Variants in MMP9 observed in about 807,000 individuals in gnomAD.
MMP9 encodes matrix metalloproteinase-9.
A neutral mutation model predicts 76.4 loss-of-function variants in MMP9; 73 were observed. The observed-to-expected ratio is 0.96, with a 90% CI of 0.79 to 1.16. The LOEUF (loss-of-function observed/expected upper bound fraction) is 1.16, where lower values mean the gene tolerates loss of function less well. Among genes scored for constraint, MMP9 ranks in the 50% most tolerant of loss-of-function variants. The probability of loss-of-function intolerance (pLI) is 0.00; values close to 1 mark genes in which losing one functional copy is unlikely to be tolerated. For synonymous variants in MMP9, 412 were observed against 408.4 expected (o/e 1.01, Z -0.11); for missense variants, 943 against 973.0 (o/e 0.97, Z 0.41).
Position 46,012,582 on chromosome 20 carries a change from G to A in MMP9, c.1330G>A (p.Gly444Ser). The change falls in exon 8 of 13, where the codon GGT becomes AGT. Residue 444 changes from glycine (G) to serine (S), a missense_variant and splice_region_variant. Physicochemically the swap from Gly to Ser is moderately conservative, Grantham distance 56 (BLOSUM62 0). Transcript: ENST00000372330. ...DDVNGIRHLY[G>S]PRPEPEPRPP... ...CGTGAATGGCATCCGGCACCTCTATGGTGAGGCAGGGGCAGGGATGGGAGG... is the reference window on the plus strand; with the variant it reads ...CGTGAATGGCATCCGGCACCTCTATAGTGAGGCAGGGGCAGGGATGGGAGG... 6.2e-7 allele frequency: 1 copy of A among 1,613,536 alleles called. No individual in the cohort carries two copies. The highest frequency in any genetic ancestry group is 8.5e-7 in the Non-Finnish European group (1 of 1,179,998).
At chr20:46,009,208 T>C in intron 1 of MMP9, 144 bp downstream of exon 1, 1 of 963,810 alleles carries the variant, frequency 1.0e-6, no homozygotes, top group Non-Finnish European at 1.6e-6. Flanking sequence ...GTGTCCAGGG[T>C]TAGGCAGTGG....
At position 46,012,445 on chromosome 20, in the gene MMP9, T is replaced by G. The variant is rs765298650; in HGVS notation, c.1193T>G (p.Val398Gly). Residue 398 changes from valine (V) to glycine (G), a missense_variant, in exon 8 of 13, where the codon GTG becomes GGG. Coordinates refer to ENST00000372330, the MANE Select transcript of MMP9 (RefSeq NM_004994.3). The part of the protein sequence containing the change: ...CPDQGYSLFL[V>G]AAHEFGHALG... ...CCTCCAGGATACAGTTTGTTCCTCG[T>G]GGCGGCGCATGAGTTCGGCCACGCG... 1.2e-6 allele frequency: 2 copies of G among 1,614,138 alleles called. No individual in the cohort carries two copies. Among genetic ancestry groups the G allele is most frequent in the Non-Finnish European group, 1.7e-6 (2 of 1,180,002 alleles).
Position 46,013,803 on chromosome 20 carries a change from T to A in MMP9, c.1750+7T>A, listed in dbSNP as rs2084301549. Reference sequence around the variant, plus strand: ...AAGCTTTTCTTCTTCTCTGGTTAGTTACCTACTTTCCCTCCCCCGCCCGGT... The same window carrying A: ...AAGCTTTTCTTCTTCTCTGGTTAGTAACCTACTTTCCCTCCCCCGCCCGGT... On this transcript the variant is annotated splice_region_variant and intron_variant, in intron 10 of 12. Transcript: ENST00000372330. This position sits in a 1 kb window ranked among gnomAD's most constrained non-coding sequence, Gnocchi z 4.5. 4 of 1,612,290 alleles carry A rather than the reference T, an allele frequency of 2.5e-6. No homozygotes were observed. The highest frequency in any genetic ancestry group is 3.4e-6 in the Non-Finnish European group (4 of 1,179,914).
rs753394565 is a variant in MMP9 at position 46,009,104 on chromosome 20, G to T, written c.138+40G>T. The T allele has an allele frequency of 1.9e-6, 3 of 1,604,008 alleles. No homozygotes were observed. The Admixed American group carries it at 5.1e-5, about 27-fold the overall frequency. On this transcript the variant is annotated intron_variant, in intron 1 of 12. Coordinates refer to ENST00000372330, the MANE Select transcript of MMP9 (RefSeq NM_004994.3). ...AGTCTAGAGTTGGGGAGGGCTGTCC[G>T]TGAGGGTGTTGAGTGTCCCAGAGAG...
intron 12 of MMP9, 83 bp from the exon 13 acceptor site, chr20:46,016,167 G>A: frequency 7.8e-7 from 1 of 1,286,150 alleles, no homozygotes; most frequent in East Asian, 2.3e-5. Flanking sequence ...TGGCAGAAGA[G>A]ATGGTTGTCA....
Position 46,014,477 on chromosome 20 carries a change from G to T in MMP9, c.2005+3G>T. The stretch of plus-strand genomic sequence containing the variant: ...GCACGACGTCTTCCAGTACCGAGGT[G>T]AGGGCTGAGGAGGATCCCTTCGTGA... On this transcript the variant is annotated splice_donor_region_variant and intron_variant, in intron 12 of 12. Transcript: ENST00000372330. 1 of 1,549,362 alleles carries T rather than the reference G, an allele frequency of 6.5e-7. No homozygotes were observed. The highest frequency in any genetic ancestry group is 1.2e-5 in the South Asian group (1 of 84,056).
intron 12 of MMP9, 70 bp from the exon 13 acceptor site, chr20:46,016,180 A>G: frequency 7.2e-7 from 1 of 1,394,496 alleles, no homozygotes; most frequent in South Asian, 1.2e-5. Context: ...GGTTGTCAAG[A>G]TCTTGTTCCT....
chr20:46,012,621 G>A (rs762888525), intron 8 of MMP9, 39 bp downstream of exon 8: 9 of 1,610,608 alleles, frequency 5.6e-6, no homozygotes, highest in African/African-American at 1.3e-5. Context: ...AGGGGAAAGG[G>A]CGTGGCTGTG....
chr20:46,010,332 A>AAACAAACAAAC, intron 2 of MMP9, 151 bp from the exon 3 acceptor site: 6 of 772,994 alleles, frequency 7.8e-6, no homozygotes, highest in Non-Finnish European at 1.2e-5. Flanking sequence ...AAAAAAAAAA[A>AAACAAACAAAC]AAAAAAAAAC....
Position 46,016,507 on chromosome 20 carries a change from T to C in MMP9, c.*139T>C. The C allele has an allele frequency of 2.7e-6, 2 of 734,286 alleles. No homozygotes were observed. The allele number at this position is 734,286 out of a possible 1,614,324, so 45.5% of individuals were successfully genotyped here. On this transcript the variant is annotated 3_prime_UTR_variant, in exon 13 of 13. Coordinates refer to ENST00000372330, the MANE Select transcript of MMP9 (RefSeq NM_004994.3). ...TGGAGGTGGGCTGGGCCCTCTCTTCTCACCTTTGTTTTTTGTTGGAGTGTT... is the reference window on the plus strand; with the variant it reads ...TGGAGGTGGGCTGGGCCCTCTCTTCCCACCTTTGTTTTTTGTTGGAGTGTT...
chr20:46,014,149 C>G lies in MMP9; in HGVS notation c.1776C>G (p.Gly592=). The change falls in exon 11 of 13, where the codon GGC becomes GGG. Residue 592 remains glycine, a synonymous_variant. Transcript: ENST00000372330. ...GGCGCCAGGTGTGGGTGTACACAGG[C>G]GCGTCGGTGCTGGGCCCGAGGCGTC... ...FSGRQVWVYT[G]ASVLGPRRLD... is the part of the protein sequence containing the mutation. 2 of 1,536,686 alleles carry G rather than the reference C, an allele frequency of 1.3e-6. No individual in the cohort carries two copies. The highest frequency in any genetic ancestry group is 1.7e-6 in the Non-Finnish European group (2 of 1,146,588).
Position 46,010,546 on chromosome 20 carries a change from C to G in MMP9, c.435C>G (p.Phe145Leu). ...TTGACGACGCCTTTGCCCGCGCCTT[C>G]GCACTGTGGAGCGCGGTGACGCCGC... ...AVIDDAFARA[F>L]ALWSAVTPLT... The change falls in exon 3 of 13, where the codon TTC (phenylalanine) becomes TTG (leucine). Residue 145 changes from phenylalanine to leucine, a missense_variant. By Grantham distance (22) the Phe-to-Leu change is conservative. Transcript: ENST00000372330. 1 of 1,614,212 alleles carries G rather than the reference C, an allele frequency of 6.2e-7. No homozygotes were observed. The highest frequency in any genetic ancestry group is 8.5e-7 in the Non-Finnish European group (1 of 1,180,038).
At position 46,013,806 on chromosome 20, in the gene MMP9, C is replaced by G. The variant is rs1463693373; in HGVS notation, c.1750+10C>G. The G allele has an allele frequency of 1.2e-6, 2 of 1,611,954 alleles. No homozygotes were observed. The highest frequency in any genetic ancestry group is 1.7e-6 in the Non-Finnish European group (2 of 1,179,890). On this transcript the variant is annotated intron_variant, in intron 10 of 12. Coordinates refer to ENST00000372330, the MANE Select transcript of MMP9 (RefSeq NM_004994.3). This position sits in a 1 kb window ranked among gnomAD's most constrained non-coding sequence, Gnocchi z 4.5. ...CTTTTCTTCTTCTCTGGTTAGTTAC[C>G]TACTTTCCCTCCCCCGCCCGGTCAA... is the stretch of plus-strand genomic sequence containing the variant.
At position 46,011,060 on chromosome 20, in the gene MMP9, T is replaced by C; in HGVS notation, c.649+10T>C. On this transcript the variant is annotated intron_variant, in intron 4 of 12. Coordinates refer to ENST00000372330, the MANE Select transcript of MMP9 (RefSeq NM_004994.3). ...CTGGGCAAGGGCGTCGGTGAGATTC[T>C]GAGTCCTCCTGGCCCCTGATTCCCT... is the stretch of plus-strand genomic sequence containing the variant. 1 of 1,610,044 alleles carries C rather than the reference T, an allele frequency of 6.2e-7. No individual in the cohort carries two copies.
Position 46,010,333 on chromosome 20 carries a change from A to AAACAAAAAAAAAAAAAAAC in MMP9, c.372-148_372-147insCAAAAAAAAAAAAAAACAA, listed in dbSNP as rs1555856970. On this transcript the variant is annotated intron_variant, in intron 2 of 12. Transcript: ENST00000372330. ...GGGTCTAAGTAGACAAAAAAAAAAA[A>AAACAAAAAAAAAAAAAAAC]AAAAAAAACAGTCTGGAAGCAATTT... 2.0e-4 allele frequency: 167 copies of AAACAAAAAAAAAAAAAAAC among 828,882 alleles called. 9 individuals carry two copies. The African/African-American group carries it at 3.5e-3, about 17-fold the overall frequency. 51.3% of individuals were successfully genotyped at this position (828,882 alleles called of 1,614,324 possible).
At position 46,014,163 on chromosome 20, in the gene MMP9, G is replaced by T; in HGVS notation, c.1790G>T (p.Gly597Val). The part of the protein sequence containing the change: ...VWVYTGASVL[G>V]PRRLDKLGLG... ...GTGTACACAGGCGCGTCGGTGCTGGGCCCGAGGCGTCTGGACAAGCTGGGC... is the reference window on the plus strand; with the variant it reads ...GTGTACACAGGCGCGTCGGTGCTGGTCCCGAGGCGTCTGGACAAGCTGGGC... Residue 597 changes from glycine (G) to valine (V), a missense_variant, in exon 11 of 13, where the codon GGC becomes GTC. By Grantham distance (109) the Gly-to-Val change is moderately radical. Transcript: ENST00000372330. 1 of 1,537,978 alleles carries T rather than the reference G, an allele frequency of 6.5e-7. No individual in the cohort carries two copies.
chr20:46,014,040 C>T (rs1040059608), intron 10 of MMP9, 84 bp from the exon 11 acceptor site: 17 of 1,521,316 alleles, frequency 1.1e-5, no homozygotes, highest in African/African-American at 2.8e-5. Context: ...CTAGGAAAGG[C>T]CTCGCCGGAA....
chr20:46,015,427 C>T (rs1371830146), intron 12 of MMP9, among the ~76,000 whole-genome samples: 1 of 149,610 alleles, frequency 6.7e-6, no homozygotes, highest in African/African-American at 2.5e-5. Flanking sequence ...CCATAGCTTT[C>T]TATATTTTCT....
chr20:46,011,334 C>G lies in MMP9; in HGVS notation c.823+18C>G. 2 of 1,598,126 alleles carry G rather than the reference C, an allele frequency of 1.3e-6. No individual in the cohort carries two copies. Among genetic ancestry groups the G allele is most frequent in the South Asian group, 1.1e-5 (1 of 90,846 alleles). On this transcript the variant is annotated intron_variant, in intron 5 of 12. Transcript: ENST00000372330. ...CAGCGAGAGTGAGTGAGGGGGCTCG[C>G]CGAGGGCTGGGGGCGCCCACCACCC... is the stretch of plus-strand genomic sequence containing the variant.
Sources: allele counts gnomAD v4.1 joint callset (sites outside exome capture counted in the v4.1 genomes callset), GRCh38; gene constraint gnomAD v4.1.1; non-coding constraint Gnocchi (gnomAD v3.1); transcripts MANE v1.5; gene names NCBI Gene and HGNC (gene_info 2026-07-23, HGNC 2026-07-21).